RMDN1: variants seen among roughly 807,000 people sequenced by gnomAD.
RMDN1 encodes the protein regulator of microtubule dynamics 1.
In RMDN1, 48 loss-of-function variants were observed where a neutral mutation model predicts 48.9. That is an observed-to-expected ratio of 0.98 (90% confidence interval 0.78 to 1.25). RMDN1 has a LOEUF of 1.25. Ranked by LOEUF, RMDN1 falls within the 50% of genes most tolerant of loss-of-function variation. The probability of loss-of-function intolerance (pLI) is 0.00; values close to 1 mark genes in which losing one functional copy is unlikely to be tolerated. For synonymous variants in RMDN1, 148 were observed against 132.6 expected, an observed-to-expected ratio of 1.12 and a Z score of -0.80; for missense variants, 418 against 373.4, an observed-to-expected ratio of 1.12 and a Z score of -0.98.
At chr8:86,470,265 A>G (rs1812427613), downstream of RMDN1, 1 of 1,289,392 alleles carries the variant, frequency 7.8e-7, no homozygotes, top group African/African-American at 1.5e-5. Flanking sequence ...TCCAGCAGTC[A>G]GCTCTGGAAT....
At chr8:86,485,262 T>G (rs1273725746) in intron 4 of RMDN1, among the ~76,000 whole-genome samples, 2 of 152,064 alleles carry the variant, frequency 1.3e-5, no homozygotes, top group Non-Finnish European at 2.9e-5. Context: ...TTATCTCTAC[T>G]AAAAATACAA....
chr8:86,496,410 C>T (rs1274967241), intron 2 of RMDN1, among the ~76,000 whole-genome samples: 1 of 152,120 alleles, frequency 6.6e-6, no homozygotes, highest in East Asian at 1.9e-4. Context: ...ACTCATCTCA[C>T]ATGCAATGAT....
upstream of RMDN1, among the ~76,000 whole-genome samples, chr8:86,511,935 T>G (rs1586816546): frequency 6.6e-6 from 1 of 152,166 alleles, no homozygotes; most frequent in East Asian, 1.9e-4. Context: ...GAAAGAATAT[T>G]TTGTGAATAT....
downstream of RMDN1, chr8:86,468,498 C>T (rs1345855901): frequency 2.4e-6 from 1 of 412,520 alleles, no homozygotes; most frequent in Non-Finnish European, 4.7e-6. Context: ...TCAAAAAGGA[C>T]TGCGTATACC....
chr8:86,490,346 C>A (rs951029756), intron 2 of RMDN1, among the ~76,000 whole-genome samples: 1 of 152,072 alleles, frequency 6.6e-6, no homozygotes, highest in Non-Finnish European at 1.5e-5. Context: ...CCTGGATTAC[C>A]CAGGTAGGCC....
At chr8:86,509,622 C>T (rs1365453059), upstream of RMDN1, among the ~76,000 whole-genome samples, 1 of 152,028 alleles carries the variant, frequency 6.6e-6, no homozygotes, top group Non-Finnish European at 1.5e-5. Flanking sequence ...ATTGATCTTC[C>T]GAACTACCTT....
chr8:86,474,494 AGT>A (rs1483154022), intron 9 of RMDN1, 136 bp from the exon 10 acceptor site: 2 of 744,244 alleles, frequency 2.7e-6, no homozygotes, highest in Non-Finnish European at 4.6e-6. Flanking sequence ...ATGTCTTGAC[AGT>A]GACCAGATGA....
rs756781000 is a variant in RMDN1 at position 86,474,921 on chromosome 8, G to C, written c.793C>G (p.Leu265Val). The change falls in exon 9 of 10, where the codon CTT (leucine) becomes GTT (valine). Residue 265 changes from leucine (L) to valine (V), a missense_variant. Physicochemically the swap from Leu to Val is conservative, Grantham distance 32. Coordinates refer to ENST00000406452, the MANE Select transcript of RMDN1 (RefSeq NM_016033.3). ...AGTTTCAAGTATGTCTTTCCTAAAA[G>C]AAGTAAGTTTTTGCTGTAGAAGTTT... ...DPNFYSKNLLLLGKTYLKLHN... is the reference protein window; with the variant it reads ...DPNFYSKNLLVLGKTYLKLHN... 1.2e-6 allele frequency: 2 copies of C among 1,610,620 alleles called. No homozygotes were observed. Among genetic ancestry groups the C allele is most frequent in the South Asian group, 1.1e-5 (1 of 90,200 alleles).
chr8:86,504,618 T>C, intron 2 of RMDN1: 1 of 927,586 alleles, frequency 1.1e-6, no homozygotes, highest in Non-Finnish European at 1.8e-6. Flanking sequence ...TGGCTTTTTG[T>C]TCCATGCTCA....
At chr8:86,503,388 AAC>A (rs56780711) in intron 2 of RMDN1, among the ~76,000 whole-genome samples, 36,033 of 132,506 alleles carry the variant, frequency 0.27, 5,958 homozygotes, top group East Asian at 0.52. Context: ...AAAAAAAAAA[AAC>A]AAAAAAAAAT....
intron 6 of RMDN1, among the ~76,000 whole-genome samples, chr8:86,479,819 CT>C (rs1814034998): frequency 6.6e-6 from 1 of 152,060 alleles, no homozygotes; most frequent in Non-Finnish European, 1.5e-5. Flanking sequence ...GTACGTAACA[CT>C]TTGATAAAGC....
upstream of RMDN1, among the ~76,000 whole-genome samples, chr8:86,512,241 A>G (rs1253984698): frequency 4.6e-5 from 7 of 152,246 alleles, no homozygotes; most frequent in African/African-American, 1.2e-4. Context: ...AAGGTTAGGT[A>G]TGGATACTAT....
intron 2 of RMDN1, among the ~76,000 whole-genome samples, chr8:86,488,871 A>G (rs1413879506): frequency 1.3e-5 from 2 of 152,270 alleles, no homozygotes; most frequent in Admixed American, 6.5e-5. Context: ...ATAAAAAATT[A>G]GAAAACTTAC....
At position 86,473,730 on chromosome 8, in the gene RMDN1, C is replaced by T. The variant is rs1812896316; in HGVS notation, c.*578G>A. ...GCAGTGGGCCGAGATTGTGCCACTG[C>T]ACACCAGCCTGGGAAACAAAGTGAG... On this transcript the variant is annotated 3_prime_UTR_variant, in exon 10 of 10. Coordinates refer to ENST00000406452, the MANE Select transcript of RMDN1 (RefSeq NM_016033.3). 1.3e-6 allele frequency: 1 copy of T among 793,032 alleles called. No individual in the cohort carries two copies. Among genetic ancestry groups the T allele is most frequent in the Non-Finnish European group, 1.5e-6 (1 of 654,580 alleles). The allele number at this position is 793,032 out of a possible 1,614,324, so 49.1% of individuals were successfully genotyped here.
chr8:86,480,421 T>C (rs938287451), intron 5 of RMDN1, 89 bp from the exon 6 acceptor site: 7 of 662,674 alleles, frequency 1.1e-5, no homozygotes, highest in Non-Finnish European at 1.5e-5. Flanking sequence ...CATGATTTTT[T>C]AAAAAATGCA....
chr8:86,469,200 T>A (rs1812347621), downstream of RMDN1, among the ~76,000 whole-genome samples: 1 of 148,104 alleles, frequency 6.8e-6, no homozygotes, highest in African/African-American at 2.5e-5. Flanking sequence ...CCCCATGTAC[T>A]TCCCAAGTAG....
chr8:86,504,719 AG>A (rs2131298732), intron 2 of RMDN1: 1 of 937,324 alleles, frequency 1.1e-6, no homozygotes, highest in East Asian at 2.4e-5. Context: ...AAATTGGACC[AG>A]GTCCCATTTC....
downstream of RMDN1, chr8:86,470,495 A>C (rs528450096): frequency 9.0e-7 from 1 of 1,111,332 alleles, no homozygotes; most frequent in East Asian, 5.9e-5. Flanking sequence ...CCTAACCCTC[A>C]GAGAGTAAAG....
upstream of RMDN1, chr8:86,508,756 A>C (rs1819861884): frequency 7.2e-7 from 1 of 1,379,558 alleles, no homozygotes; most frequent in African/African-American, 1.5e-5. Flanking sequence ...CCTCCTGCCC[A>C]GCACCTCTTC....
Sources: allele counts gnomAD v4.1 joint callset (sites outside exome capture counted in the v4.1 genomes callset), GRCh38; gene constraint gnomAD v4.1.1; transcripts MANE v1.5; gene names NCBI Gene and HGNC (gene_info 2026-07-23, HGNC 2026-07-21).